Variants in MUC15 observed in about 807,000 individuals in gnomAD.
The protein encoded by MUC15 is mucin-15.
Under a neutral mutation model 24.0 loss-of-function variants are expected in MUC15, and 23 were observed. That is an observed-to-expected ratio of 0.96 (90% confidence interval 0.69 to 1.36). The LOEUF (loss-of-function observed/expected upper bound fraction) is 1.36, where lower values mean the gene tolerates loss of function less well. MUC15 is among the 40% of genes most tolerant of loss of function. The pLI is 0.00. For synonymous variants in MUC15, 151 were observed against 156.3 expected, an observed-to-expected ratio of 0.97 and a Z score of 0.25; for missense variants, 442 against 428.2, an observed-to-expected ratio of 1.03 and a Z score of -0.29.
rs554209845 is a variant in MUC15 at position 26,559,897 on chromosome 11, A to G, written c.*1168T>C. 1.3e-6 allele frequency: 1 copy of G among 775,226 alleles called. No individual in the cohort carries two copies. The highest frequency in any genetic ancestry group is 2.5e-5 in the East Asian group (1 of 40,270). The allele number at this position is 775,226 out of a possible 1,614,324, so 48.0% of individuals were successfully genotyped here. ...ACACCATGAATCAATTCAAAAATAA[A>G]GCCTCTAGGTTGGTACTTGATTTGT... On this transcript the variant is annotated 3_prime_UTR_variant, in exon 5 of 5. Coordinates refer to ENST00000529533, the MANE Select transcript of MUC15 (RefSeq NM_001135091.2).
chr11:26,565,065 T>C, intron 3 of MUC15, 100 bp downstream of exon 3: 1 of 1,200,660 alleles, frequency 8.3e-7, no homozygotes, highest in Non-Finnish European at 1.1e-6. Context: ...TTGTGTTCTC[T>C]TCTGTTTTTC....
At chr11:26,569,016 A>G (rs895522330) in intron 1 of MUC15, among the ~76,000 whole-genome samples, 1 of 152,044 alleles carries the variant, frequency 6.6e-6, no homozygotes, top group African/African-American at 2.4e-5. Context: ...GTGGGGGGAA[A>G]AATGTCCTTA....
rs887625986 is a variant in MUC15 at position 26,565,031 on chromosome 11, T to C, written c.775+134A>G. 3 of 894,398 alleles carry C rather than the reference T, an allele frequency of 3.4e-6. No individual in the cohort carries two copies. In the African/African-American group the frequency reaches 5.2e-5, roughly 15 times the overall value. The allele number at this position is 894,398 out of a possible 1,614,324, so 55.4% of individuals were successfully genotyped here. ...TTCTAGTGACTATAATGATCATCCC[T>C]CAAAAGTGAGAAAATCCATGCTATT... is the stretch of plus-strand genomic sequence containing the variant. On this transcript the variant is annotated intron_variant, in intron 3 of 4. Transcript: ENST00000529533.
intron 3 of MUC15, 92 bp downstream of exon 3, chr11:26,565,073 T>C (rs1326480485): frequency 1.3e-5 from 16 of 1,273,114 alleles, no homozygotes; most frequent in Admixed American, 1.1e-4. Context: ...TCTTCTGTTT[T>C]TCCAGCATGG....
chr11:26,572,118 T>G lies in MUC15; in HGVS notation c.-123A>C. Reference sequence around the variant, plus strand: ...TGTCTGAAAGGAATCTGTCGTGCATTAGAGAAAACAGATGGGTTAAGTGTG... The same window carrying G: ...TGTCTGAAAGGAATCTGTCGTGCATGAGAGAAAACAGATGGGTTAAGTGTG... On this transcript the variant is annotated 5_prime_UTR_variant, in exon 1 of 5. Coordinates refer to ENST00000529533, the MANE Select transcript of MUC15 (RefSeq NM_001135091.2). 6 of 985,282 alleles carry G rather than the reference T, an allele frequency of 6.1e-6. No individual in the cohort carries two copies. Among genetic ancestry groups the G allele is most frequent in the Non-Finnish European group, 6.0e-6 (5 of 829,898 alleles). 61.0% of individuals were successfully genotyped at this position (985,282 alleles called of 1,614,324 possible). A position where few individuals can be genotyped will look rare whatever the true frequency, so the allele number is the denominator to read the frequency against.
intron 3 of MUC15, 67 bp downstream of exon 3, chr11:26,565,098 T>C: frequency 7.0e-7 from 1 of 1,432,532 alleles, no homozygotes; most frequent in South Asian, 1.5e-5. Context: ...TCCTTAGACT[T>C]ACTCTGCATG....
chr11:26,561,319 G>C, intron 4 of MUC15, 94 bp from the exon 5 acceptor site: 1 of 856,474 alleles, frequency 1.2e-6, no homozygotes, highest in Non-Finnish European at 1.6e-6. Flanking sequence ...TTCTAGATGA[G>C]AAAATAAATA....
At position 26,565,643 on chromosome 11, in the gene MUC15, G is replaced by A. The variant is rs1850545432; in HGVS notation, c.297C>T (p.Ser99=). 6.2e-7 allele frequency: 1 copy of A among 1,609,092 alleles called. No homozygotes were observed. The highest frequency in any genetic ancestry group is 8.5e-7 in the Non-Finnish European group (1 of 1,176,498). ...TGTTGTTGGGTAGATTCAAAGGAGG[G>A]GAATGACTCGCCTTGAGATTTGAGG... ...ITTSNLKASH[S]PPLNLPNNSH... The change falls in exon 3 of 5, where the codon TCC becomes TCT. Residue 99 remains serine, a synonymous_variant. Transcript: ENST00000529533.
chr11:26,571,958 C>T (rs2134291452), intron 1 of MUC15, 83 bp downstream of exon 1: 1 of 541,480 alleles, frequency 1.8e-6, no homozygotes, highest in East Asian at 1.5e-4. Flanking sequence ...CTGCGATTCT[C>T]TTTGGTAAAT....
intron 4 of MUC15, among the ~76,000 whole-genome samples, chr11:26,562,359 A>T (rs1368312145): frequency 2.0e-5 from 3 of 151,896 alleles, no homozygotes; most frequent in Non-Finnish European, 2.9e-5. Context: ...CATCAATGGG[A>T]CCCACCAGAA....
At position 26,560,704 on chromosome 11, in the gene MUC15, A is replaced by G. The variant is rs984578898; in HGVS notation, c.*361T>C. Reference sequence around the variant, plus strand: ...GCTTCAGGCAGAGCAGTAAAGAGTCATCTTCATTGTTTTAGAATTTTTTGG... The same window carrying G: ...GCTTCAGGCAGAGCAGTAAAGAGTCGTCTTCATTGTTTTAGAATTTTTTGG... On this transcript the variant is annotated 3_prime_UTR_variant, in exon 5 of 5. Transcript: ENST00000529533. The G allele has an allele frequency of 1.0e-4, 18 of 171,774 alleles. No individual in the cohort carries two copies. The highest frequency in any genetic ancestry group is 2.2e-4 in the Non-Finnish European group (18 of 81,342). 10.6% of individuals were successfully genotyped at this position (171,774 alleles called of 1,614,324 possible). A position where few individuals can be genotyped will look rare whatever the true frequency, so the allele number is the denominator to read the frequency against.
At position 26,565,727 on chromosome 11, in the gene MUC15, A is replaced by AT; in HGVS notation, c.212dup (p.Asn71LysfsTer2). ...CTTCACTTTCCAAAGAAATAGGTTT[A>AT]TTTTCCATTGTTTTAAAAACTTCTG... On this transcript the variant is annotated frameshift_variant, in exon 3 of 5. Transcript: ENST00000529533. LOFTEE classifies it high-confidence loss of function. 1 of 1,605,652 alleles carries AT rather than the reference A, an allele frequency of 6.2e-7. No homozygotes were observed. The highest frequency in any genetic ancestry group is 8.5e-7 in the Non-Finnish European group (1 of 1,173,984).
chr11:26,570,248 G>A (rs1850767329), intron 1 of MUC15, among the ~76,000 whole-genome samples: 1 of 151,960 alleles, frequency 6.6e-6, no homozygotes, highest in Admixed American at 6.6e-5. Context: ...TTTGTTACTG[G>A]CACTGGAAAG....
rs777574550 is a variant in MUC15, at chr11:26,565,388, G to A, written c.552C>T (p.Thr184=). Residue 184 remains threonine (T), a synonymous_variant, in exon 3 of 5, where the codon ACC becomes ACT. Transcript: ENST00000529533. ...ENFTWSLVND[T]VKTPDNSSIT... ...TGGAACTGTTATCAGGAGTTTTCACGGTGTCATTGACCAAAGACCAAGTGA... is the reference window on the plus strand; with the variant it reads ...TGGAACTGTTATCAGGAGTTTTCACAGTGTCATTGACCAAAGACCAAGTGA... 12 of 1,612,986 alleles carry A rather than the reference G, an allele frequency of 7.4e-6. No homozygotes were observed. The highest frequency in any genetic ancestry group is 2.2e-5 in the East Asian group (1 of 44,846).
intron 1 of MUC15, among the ~76,000 whole-genome samples, chr11:26,569,260 G>C (rs1240941207): frequency 1.3e-5 from 2 of 152,094 alleles, no homozygotes; most frequent in African/African-American, 4.8e-5. Context: ...GAAGCACTCT[G>C]TTACTGCCTA....
At position 26,559,701 on chromosome 11, in the gene MUC15, T is replaced by C. The variant is rs997547119; in HGVS notation, c.*1364A>G. On this transcript the variant is annotated 3_prime_UTR_variant, in exon 5 of 5. Transcript: ENST00000529533. ...AATCAATTTGCATGACTAATATTTC[T>C]GTTTGTTTTCTACTCAGGTGACATA... 10 of 1,594,458 alleles carry C rather than the reference T, an allele frequency of 6.3e-6. No homozygotes were observed. Among genetic ancestry groups the C allele is most frequent in the East Asian group, 2.2e-5 (1 of 44,702 alleles).
chr11:26,561,872 A>G (rs1020372340), intron 4 of MUC15, among the ~76,000 whole-genome samples: 1 of 151,986 alleles, frequency 6.6e-6, no homozygotes, highest in Non-Finnish European at 1.5e-5. Context: ...GGTATCTTAA[A>G]GTACTACAAG....
rs747196019 is a variant in MUC15, at chr11:26,561,169, A to G, written c.982T>C (p.Tyr328His). 6.2e-7 allele frequency: 1 copy of G among 1,612,770 alleles called. No individual in the cohort carries two copies. The highest frequency in any genetic ancestry group is 8.5e-7 in the Non-Finnish European group (1 of 1,179,210). ...PYDVSFGNSS[Y>H]YNPTLNDSAM... ...GAATCATTCAAAGTTGGATTGTAGT[A>G]GCTAGAATTCCCAAAACTCACATCA... The change falls in exon 5 of 5, where the codon TAC becomes CAC. Residue 328 changes from tyrosine (Y) to histidine (H), a missense_variant. Coordinates refer to ENST00000529533, the MANE Select transcript of MUC15 (RefSeq NM_001135091.2).
chr11:26,567,756 G>A (rs61877027), intron 1 of MUC15, among the ~76,000 whole-genome samples: 5,089 of 152,016 alleles, frequency 0.033, 126 homozygotes, highest in Non-Finnish European at 0.054. Flanking sequence ...TTATTTATAA[G>A]AGCCTCAAAC....
Sources: allele counts gnomAD v4.1 joint callset (sites outside exome capture counted in the v4.1 genomes callset), GRCh38; gene constraint gnomAD v4.1.1; transcripts MANE v1.5; gene names NCBI Gene and HGNC (gene_info 2026-07-23, HGNC 2026-07-21).